The following STK35 variants were observed in gnomAD, a reference collection of about 807,000 sequenced individuals.
STK35 encodes the protein serine/threonine-protein kinase 35.
Under a neutral mutation model 37.3 loss-of-function variants are expected in STK35, and 17 were observed. That is an observed-to-expected ratio of 0.46 (90% CI 0.31 to 0.68). STK35 has a LOEUF of 0.68. Ranked by LOEUF, STK35 falls within the 30% of genes least tolerant of loss-of-function variation. The probability of loss-of-function intolerance (pLI) is 0.05; values close to 1 mark genes in which losing one functional copy is unlikely to be tolerated. For synonymous variants in STK35, 385 were observed against 319.1 expected (o/e 1.21, Z -2.20); for missense variants, 595 against 746.7 (o/e 0.80, Z 2.37).
chr20:2,139,106 C>T (rs1398029847), intron 3 of STK35, among the ~76,000 whole-genome samples: 3 of 152,140 alleles, frequency 2.0e-5, no homozygotes, highest in East Asian at 1.9e-4. Context: ...GGGATAATCA[C>T]CAAGGTATTC....
intron 3 of STK35, among the ~76,000 whole-genome samples, chr20:2,127,644 G>A (rs1180511816): frequency 1.3e-5 from 2 of 152,134 alleles, no homozygotes; most frequent in Non-Finnish European, 2.9e-5. Flanking sequence ...TGGTCCAGAG[G>A]TCCTCCTCCC....
intron 3 of STK35, among the ~76,000 whole-genome samples, chr20:2,124,883 A>G (rs1985878729): frequency 6.6e-6 from 1 of 152,138 alleles, no homozygotes; most frequent in African/African-American, 2.4e-5. Context: ...AGTCCCCACA[A>G]GCTCCCCAGT....
intron 3 of STK35, among the ~76,000 whole-genome samples, chr20:2,121,309 A>T (rs2122560129): frequency 1.3e-5 from 2 of 152,342 alleles, no homozygotes; most frequent in East Asian, 3.9e-4. Context: ...GAAACAATGT[A>T]ACAGAGAAGT....
intron 3 of STK35, among the ~76,000 whole-genome samples, chr20:2,142,062 C>G (rs544662294): frequency 6.6e-6 from 1 of 152,316 alleles, no homozygotes; most frequent in Non-Finnish European, 1.5e-5. Context: ...GCCTTATCCC[C>G]TCCTCCAGCA....
intron 3 of STK35, among the ~76,000 whole-genome samples, chr20:2,126,382 T>C (rs1985907320): frequency 6.6e-6 from 1 of 152,122 alleles, no homozygotes; most frequent in South Asian, 2.1e-4. Context: ...GAGGAGGTGG[T>C]ATTCCAGGCT....
Position 2,116,528 on chromosome 20 carries a change from T to C in STK35, c.893-138T>C, listed in dbSNP as rs1985720040. The stretch of plus-strand genomic sequence containing the variant: ...CCTGTGTCATACCTTAGAAAGGCAC[T>C]CAGTGCCAGTTGTGCAGGTCCCCTT... On this transcript the variant is annotated intron_variant, in intron 2 of 3. Coordinates refer to ENST00000381482, the MANE Select transcript of STK35 (RefSeq NM_080836.4). 8.5e-6 allele frequency: 8 copies of C among 937,380 alleles called. No individual in the cohort carries two copies. In the South Asian group the frequency reaches 1.3e-4, roughly 16 times the overall value. 58.1% of individuals were successfully genotyped at this position (937,380 alleles called of 1,614,324 possible). A position where few individuals can be genotyped will look rare whatever the true frequency, so the allele number is the denominator to read the frequency against.
At position 2,143,814 on chromosome 20, in the gene STK35, C is replaced by T. The variant is rs759587790; in HGVS notation, c.*68C>T. On this transcript the variant is annotated 3_prime_UTR_variant, in exon 4 of 4. Transcript: ENST00000381482. ...TTCCTCGGGACCCACAGTCTCACCA[C>T]GTCTCCTCCAGAGGACGGCAGAGGG... 24 of 411,704 alleles carry T rather than the reference C, an allele frequency of 5.8e-5. No individual in the cohort carries two copies. The highest frequency in any genetic ancestry group is 6.5e-5 in the Non-Finnish European group (14 of 213,908). The allele number at this position is 411,704 out of a possible 1,614,324, so 25.5% of individuals were successfully genotyped here. A position where few individuals can be genotyped will look rare whatever the true frequency, so the allele number is the denominator to read the frequency against.
chr20:2,140,262 A>G (rs924926087), intron 3 of STK35, among the ~76,000 whole-genome samples: 1 of 152,172 alleles, frequency 6.6e-6, no homozygotes, highest in East Asian at 1.9e-4. Flanking sequence ...ACAGAGAGGA[A>G]TGAGAAGAGC....
intron 2 of STK35, among the ~76,000 whole-genome samples, chr20:2,115,866 C>T (rs1480938511): frequency 6.7e-6 from 1 of 149,762 alleles, no homozygotes; most frequent in Admixed American, 6.6e-5. Flanking sequence ...GTCCTGCCCC[C>T]TCTGACACCT....
In STK35 at chr20:2,143,837, G is replaced by C. The variant is rs1339498484; in HGVS notation, c.*91G>C. 4.7e-6 allele frequency: 2 copies of C among 424,980 alleles called. No homozygotes were observed. The highest frequency in any genetic ancestry group is 9.1e-6 in the Non-Finnish European group (2 of 218,602). The allele number at this position is 424,980 out of a possible 1,614,324, so 26.3% of individuals were successfully genotyped here. A position where few individuals can be genotyped will look rare whatever the true frequency, so the allele number is the denominator to read the frequency against. ...CACGTCTCCTCCAGAGGACGGCAGA[G>C]GGTACAGGTGGTGGCCTGGCCGGTT... On this transcript the variant is annotated 3_prime_UTR_variant, in exon 4 of 4. Coordinates refer to ENST00000381482, the MANE Select transcript of STK35 (RefSeq NM_080836.4).
chr20:2,146,715 C>G lies in STK35; in HGVS notation c.*2969C>G, dbSNP rs1283811255. On this transcript the variant is annotated 3_prime_UTR_variant, in exon 4 of 4. Transcript: ENST00000381482. ...GCCACGGGGGAGGGATCACCCTCAC[C>G]CCCAACACCCTCTTCCTGAGGGCTG... The G allele has an allele frequency of 6.5e-6, 1 of 152,706 alleles. No homozygotes were observed. The highest frequency in any genetic ancestry group is 1.5e-5 in the Non-Finnish European group (1 of 68,144). The allele number at this position is 152,706 out of a possible 1,614,324, so 9.5% of individuals were successfully genotyped here. A position where few individuals can be genotyped will look rare whatever the true frequency, so the allele number is the denominator to read the frequency against.
At chr20:2,140,154 T>C (rs1986150237) in intron 3 of STK35, among the ~76,000 whole-genome samples, 1 of 152,166 alleles carries the variant, frequency 6.6e-6, no homozygotes, top group Non-Finnish European at 1.5e-5. Context: ...GCACTACAGA[T>C]GTCAGTTGCA....
At position 2,101,944 on chromosome 20, in the gene STK35, G is replaced by T; in HGVS notation, c.63G>T (p.Arg21Ser). The change falls in exon 1 of 4, where the codon AGG becomes AGT. Residue 21 changes from arginine to serine, a missense_variant. By Grantham distance (110) the Arg-to-Ser change is moderately radical (BLOSUM62 -1). Coordinates refer to ENST00000381482, the MANE Select transcript of STK35 (RefSeq NM_080836.4). ...CGGGAGGTGCAGCTTATGTAAAGAG[G>T]TTATGTAAAGGGCTCAGCTGGCGCG... ...APAGGAAYVK[R>S]LCKGLSWREH... is the part of the protein sequence containing the mutation. The T allele has an allele frequency of 6.6e-7, 1 of 1,514,738 alleles. No individual in the cohort carries two copies. The highest frequency in any genetic ancestry group is 2.5e-5 in the East Asian group (1 of 39,930). 93.8% of individuals were successfully genotyped at this position (1,514,738 alleles called of 1,614,324 possible).
At chr20:2,140,809 G>A (rs1986160737) in intron 3 of STK35, among the ~76,000 whole-genome samples, 1 of 152,214 alleles carries the variant, frequency 6.6e-6, no homozygotes, top group Non-Finnish European at 1.5e-5. Flanking sequence ...TGTCTCAGGA[G>A]TTCTTGCAGA....
intron 3 of STK35, among the ~76,000 whole-genome samples, chr20:2,135,377 G>A (rs376425946): frequency 6.6e-6 from 1 of 152,144 alleles, no homozygotes; most frequent in Non-Finnish European, 1.5e-5. Flanking sequence ...TTCCTTGTAG[G>A]GCTGCCCCAG....
chr20:2,140,158 AGTTG>A, intron 3 of STK35, among the ~76,000 whole-genome samples: 1 of 152,232 alleles, frequency 6.6e-6, no homozygotes, highest in Non-Finnish European at 1.5e-5. Context: ...TACAGATGTC[AGTTG>A]CAGGTTTATC....
At chr20:2,141,302 T>G (rs1438941789) in intron 3 of STK35, among the ~76,000 whole-genome samples, 2 of 152,208 alleles carry the variant, frequency 1.3e-5, no homozygotes, top group African/African-American at 2.4e-5. Context: ...GTGGATTTTT[T>G]TGAGGGGAAT....
chr20:2,110,747 A>G (rs914658894), intron 2 of STK35, among the ~76,000 whole-genome samples: 1 of 152,206 alleles, frequency 6.6e-6, no homozygotes, highest in African/African-American at 2.4e-5. Context: ...ACAGATCTGC[A>G]TGTTGTGTGG....
At chr20:2,122,489 G>T (rs976047868) in intron 3 of STK35, among the ~76,000 whole-genome samples, 4 of 152,202 alleles carry the variant, frequency 2.6e-5, no homozygotes, top group Non-Finnish European at 5.9e-5. Context: ...AAAAGGAAAT[G>T]CATTTTGGGT....
Sources: gnomAD v4.1 joint callset for allele counts (sites outside exome capture counted in the v4.1 genomes callset) on GRCh38, gnomAD v4.1.1 for gene constraint, MANE v1.5 for transcripts, NCBI Gene and HGNC (gene_info 2026-07-23, HGNC 2026-07-21) for gene names.